Variants in NEB observed in about 807,000 individuals in gnomAD.
NEB encodes nemaline myopathy type 2.
In NEB, 512 loss-of-function variants were observed where a neutral mutation model predicts 952.2. That is an observed-to-expected ratio of 0.54 (90% CI 0.50 to 0.58). The LOEUF is 0.58. Among genes scored for constraint, NEB ranks in the 20% least tolerant of loss-of-function variants. NEB has a pLI of 0.00. For synonymous variants in NEB, 2,900 were observed against 3,149.8 expected (o/e 0.92, Z 2.66); for missense variants, 8,428 against 9,231.1 (o/e 0.91, Z 3.56).
At position 151,546,012 on chromosome 2, in the gene NEB, A is replaced by C. The variant is rs765530601; in HGVS notation, c.20467-14T>G. The C allele has an allele frequency of 5.7e-6, 8 of 1,414,882 alleles. No homozygotes were observed. The highest frequency in any genetic ancestry group is 2.3e-5 in the East Asian group (1 of 42,804). 87.6% of individuals were successfully genotyped at this position (1,414,882 alleles called of 1,614,324 possible). On this transcript the variant is annotated splice_polypyrimidine_tract_variant and intron_variant, in intron 134 of 181. Transcript: ENST00000397345. ...TAGGTAATTAGACTTAAAAAAAAAAAAAAAAACAGAAATACAAGTTGATTA... is the reference window on the plus strand; with the variant it reads ...TAGGTAATTAGACTTAAAAAAAAAACAAAAAACAGAAATACAAGTTGATTA...
At chr2:151,653,024 T>A (rs2099048056) in intron 52 of NEB, among the ~76,000 whole-genome samples, 2 of 152,230 alleles carry the variant, frequency 1.3e-5, no homozygotes, top group Admixed American at 6.5e-5. Context: ...TTCCAACATT[T>A]CTGGAGTGCC....
chr2:151,692,216 G>GT, intron 21 of NEB, 45 bp downstream of exon 21: 2 of 1,608,406 alleles, frequency 1.2e-6, no homozygotes, highest in South Asian at 2.2e-5. Flanking sequence ...TTGTCAAACA[G>GT]TAGGAAAGCC....
intron 78 of NEB, among the ~76,000 whole-genome samples, chr2:151,611,633 T>G (rs779385442): frequency 1.2e-4 from 19 of 152,194 alleles, no homozygotes; most frequent in Non-Finnish European, 2.6e-4. Context: ...AAAAATAGAT[T>G]GATAAAATTT....
intron 124 of NEB, among the ~76,000 whole-genome samples, chr2:151,557,194 C>T (rs1453400748): frequency 2.6e-5 from 4 of 152,012 alleles, no homozygotes; most frequent in Admixed American, 6.6e-5. Context: ...ATATCACCAC[C>T]GTTCCCACAG....
intron 161 of NEB, among the ~76,000 whole-genome samples, chr2:151,509,014 A>G (rs187764127): frequency 9.5e-4 from 144 of 152,216 alleles, no homozygotes; most frequent in African/African-American, 3.3e-3. Flanking sequence ...CTCTTCAGGG[A>G]AGTTTTAGTT....
chr2:151,520,186 A>C, intron 153 of NEB, among the ~76,000 whole-genome samples: 1 of 152,204 alleles, frequency 6.6e-6, no homozygotes, highest in East Asian at 1.9e-4. Flanking sequence ...TAAATGATCA[A>C]GAAGGTTGAA....
intron 34 of NEB, among the ~76,000 whole-genome samples, 191 bp from the exon 35 acceptor site, chr2:151,675,582 A>G (rs1276685813): frequency 3.9e-5 from 6 of 152,226 alleles, no homozygotes; most frequent in African/African-American, 1.2e-4. Flanking sequence ...GTTAAAATAG[A>G]AGGAGAAAAA....
At chr2:151,656,071 C>A in intron 49 of NEB, 48 bp from the exon 50 acceptor site, 1 of 1,594,584 alleles carries the variant, frequency 6.3e-7, no homozygotes, top group South Asian at 1.1e-5. Flanking sequence ...CATTTAGACA[C>A]AAACCATGGC....
intron 10 of NEB, chr2:151,716,226 C>T (rs1049561666): frequency 4.7e-5 from 17 of 364,102 alleles, no homozygotes; most frequent in African/African-American, 2.8e-4. Flanking sequence ...GCAACCTCCG[C>T]TTCCCGGGAT....
chr2:151,640,748 T>TAA, intron 60 of NEB, 82 bp from the exon 61 acceptor site: 1 of 1,343,480 alleles, frequency 7.4e-7, no homozygotes, highest in Non-Finnish European at 1.0e-6. Flanking sequence ...CTCTATTTAT[T>TAA]AAAAAAAAAA....
chr2:151,570,400 T>C lies in NEB; in HGVS notation c.17119-8A>G. On this transcript the variant is annotated splice_polypyrimidine_tract_variant and splice_region_variant and intron_variant, in intron 108 of 181. Coordinates refer to ENST00000397345, the MANE Select transcript of NEB (RefSeq NM_001164508.2). The stretch of plus-strand genomic sequence containing the variant: ...GTCAAGCTTATATTTATACTGGAGA[T>C]GCAAAAATAAAGCAGATGGGTCACA... 2.5e-6 allele frequency: 4 copies of C among 1,568,852 alleles called. No individual in the cohort carries two copies. The highest frequency in any genetic ancestry group is 2.6e-6 in the Non-Finnish European group (3 of 1,159,482).
chr2:151,491,805 T>C, intron 178 of NEB, 30 bp from the exon 179 acceptor site: 2 of 1,521,876 alleles, frequency 1.3e-6, no homozygotes, highest in Non-Finnish European at 1.8e-6. Flanking sequence ...TCAGAACAAG[T>C]GTTCTTGGAG....
At position 151,662,254 on chromosome 2, in the gene NEB, C is replaced by T. The variant is rs746058844; in HGVS notation, c.5851G>A (p.Ala1951Thr). ...GSLEAEKNKK[A>T]MEIISEKKYR... is the part of the protein sequence containing the mutation. ...TTCTTTTCACTAATAATCTCCATGG[C>T]TTTCTTGTTTTTCTCTGCTTCCAGG... is the stretch of plus-strand genomic sequence containing the variant. Residue 1951 changes from alanine to threonine, a missense_variant, in exon 46 of 182, where the codon GCC becomes ACC. By Grantham distance (58) the Ala-to-Thr change is moderately conservative. Transcript: ENST00000397345. The T allele has an allele frequency of 6.2e-7, 1 of 1,613,616 alleles. No homozygotes were observed. The highest frequency in any genetic ancestry group is 8.5e-7 in the Non-Finnish European group (1 of 1,179,648).
Position 151,657,967 on chromosome 2 carries a change from T to C in NEB, c.6183+16A>G, listed in dbSNP as rs375986600. 6.4e-7 allele frequency: 1 copy of C among 1,564,052 alleles called. No individual in the cohort carries two copies. Among genetic ancestry groups the C allele is most frequent in the African/African-American group, 1.4e-5 (1 of 73,866 alleles). On this transcript the variant is annotated intron_variant, in intron 48 of 181. Coordinates refer to ENST00000397345, the MANE Select transcript of NEB (RefSeq NM_001164508.2). ...TTAGAAACCCCCAGCCAGGTGACCG[T>C]TTCCTTTGGACTTACATCACTTGCA...
Position 151,614,522 on chromosome 2 carries a change from A to G in NEB, c.11355T>C (p.Asp3785=). 3 of 1,613,908 alleles carry G rather than the reference A, an allele frequency of 1.9e-6. No individual in the cohort carries two copies. The highest frequency in any genetic ancestry group is 1.3e-5 in the African/African-American group (1 of 75,036). Residue 3785 remains aspartate (D), a synonymous_variant, in exon 77 of 182, where the codon GAT becomes GAC. Transcript: ENST00000397345. ...GGATGGACCACATCATCTTCGGGTC[A>G]TCCTTAATGTTCCGGGCCCCAATAT... is the stretch of plus-strand genomic sequence containing the variant. ...GHHIGARNIK[D]DPKMMWSIHV...
At chr2:151,708,843 C>T (rs2099735152) in intron 12 of NEB, among the ~76,000 whole-genome samples, 1 of 152,182 alleles carries the variant, frequency 6.6e-6, no homozygotes. Context: ...CTGCTTAGAC[C>T]AAAACCCGTG....
chr2:151,680,368 T>C (rs1376777770), intron 30 of NEB, among the ~76,000 whole-genome samples: 1 of 32,666 alleles, frequency 3.1e-5, no homozygotes, highest in Non-Finnish European at 6.6e-5. Context: ...TTTGATTATA[T>C]ATGATTTTTT....
chr2:151,663,274 A>G (rs947444812), intron 45 of NEB, among the ~76,000 whole-genome samples: 2 of 152,082 alleles, frequency 1.3e-5, no homozygotes, highest in African/African-American at 2.4e-5. Context: ...ATTCCTTTCA[A>G]TACACTCTTT....
At chr2:151,617,683 G>T (rs1250871828) in intron 74 of NEB, among the ~76,000 whole-genome samples, 1 of 151,698 alleles carries the variant, frequency 6.6e-6, no homozygotes, top group East Asian at 1.9e-4. Context: ...TAATTGGATT[G>T]AAGTATTTAA....
Sources: gnomAD v4.1 joint callset for allele counts (sites outside exome capture counted in the v4.1 genomes callset) on GRCh38, gnomAD v4.1.1 for gene constraint, MANE v1.5 for transcripts, NCBI Gene and HGNC (gene_info 2026-07-23, HGNC 2026-07-21) for gene names.